The following ARSH variants were observed in gnomAD, a reference collection of about 807,000 sequenced individuals.
ARSH encodes arylsulfatase family member H.
Under a neutral mutation model 28.7 loss-of-function variants are expected in ARSH, and 32 were observed. That is an observed-to-expected ratio of 1.11 (90% CI 0.84 to 1.50). The LOEUF is 1.50. Ranked by LOEUF, ARSH falls within the 40% of genes most tolerant of loss-of-function variation. The pLI, the probability that ARSH is intolerant of heterozygous loss-of-function variation, is 0.00. For synonymous variants in ARSH, 176 were observed against 177.3 expected (o/e 0.99, Z 0.06); for missense variants, 440 against 452.4 (o/e 0.97, Z 0.25).
intron 8 of ARSH, among the ~76,000 whole-genome samples, chrX:3,030,669 G>A (rs1299592755): frequency 9.0e-6 from 1 of 111,680 alleles, no homozygotes; most frequent in African/African-American, 3.2e-5. Flanking sequence ...CTTACCATGG[G>A]AACAGTATGG....
intron 1 of ARSH, among the ~76,000 whole-genome samples, chrX:3,007,894 T>C (rs750637637): frequency 7.7e-4 from 86 of 111,583 alleles, no homozygotes; most frequent in Non-Finnish European, 9.4e-5. Context: ...TGTGTGTGTC[T>C]GTGTCCTCAT....
chrX:3,029,364 G>T lies in ARSH; in HGVS notation c.1317G>T (p.Lys439Asn). 1 of 1,209,066 alleles carries T rather than the reference G, an allele frequency of 8.3e-7. No individual in the cohort carries two copies. Among genetic ancestry groups the T allele is most frequent in the Non-Finnish European group, 1.1e-6 (1 of 894,160 alleles). ...VYLHTVRWHQ[K>N]DCATVWKAHY... The stretch of plus-strand genomic sequence containing the variant: ...TGCACACGGTCAGGTGGCATCAGAA[G>T]GACTGTAAGTATGAAGGCTGTGGAC... Residue 439 changes from lysine to asparagine, a missense_variant, in exon 8 of 9, where the codon AAG becomes AAT. Physicochemically the swap from Lys to Asn is moderately conservative, Grantham distance 94. Coordinates refer to ENST00000381130, the MANE Select transcript of ARSH (RefSeq NM_001011719.2).
rs988885434 is a variant in ARSH, at chrX:3,019,584, T to C, written c.901+914T>C. Among the ~76,000 whole-genome samples, 6 of 111,318 alleles carry C rather than the reference T, an allele frequency of 5.4e-5. No individual in the cohort carries two copies. In the Admixed American group the frequency reaches 5.8e-4, roughly 11 times the overall value. On this transcript the variant is annotated intron_variant, in intron 5 of 8. Coordinates refer to ENST00000381130, the MANE Select transcript of ARSH (RefSeq NM_001011719.2). ...TGTCCTTCCTCTCAGCGATGGTGTT[T>C]CATTTTGGAATACAGTACTTTTCTT... is the stretch of plus-strand genomic sequence containing the variant.
rs1286544084 is a variant in ARSH, at chrX:3,033,253, G to A, written c.1557G>A (p.Arg519=). ...KMEAAIREHR[R]TLTPVPQQFS... is the part of the protein sequence containing the mutation. ...AGGCAGCCATAAGAGAGCATCGTAG[G>A]ACACTAACACCTGTCCCACAGCAGT... is the stretch of plus-strand genomic sequence containing the variant. The change falls in exon 9 of 9, where the codon AGG becomes AGA. Residue 519 remains arginine (R), a synonymous_variant. Coordinates refer to ENST00000381130, the MANE Select transcript of ARSH (RefSeq NM_001011719.2). The A allele has an allele frequency of 8.3e-7, 1 of 1,211,626 alleles. No homozygotes were observed. Among genetic ancestry groups the A allele is most frequent in the Non-Finnish European group, 1.1e-6 (1 of 895,509 alleles).
intron 6 of ARSH, among the ~76,000 whole-genome samples, chrX:3,026,531 G>C (rs967091767): frequency 8.9e-6 from 1 of 111,772 alleles, no homozygotes; most frequent in African/African-American, 3.3e-5. Context: ...CCTCCAGAGA[G>C]GTTCCTATTT....
chrX:3,025,684 T>C (rs1420537076), intron 6 of ARSH, among the ~76,000 whole-genome samples: 1 of 110,042 alleles, frequency 9.1e-6, no homozygotes, highest in African/African-American at 3.3e-5. Context: ...TAGTCATAAC[T>C]GTTAATTAGC....
Position 3,015,331 on chromosome X carries a change from G to A in ARSH, c.702G>A (p.Gln234=), listed in dbSNP as rs748623323. 8.3e-7 allele frequency: 1 copy of A among 1,211,841 alleles called. No homozygotes were observed. Among genetic ancestry groups the A allele is most frequent in the Middle Eastern group, 2.3e-4 (1 of 4,355 alleles). ...ILMRNHEIIQ[Q]PMKEEKVASL... ...TGAGGAACCATGAAATTATCCAGCA[G>A]CCAATGAAAGAGGAGAAAGTAGCTT... The change falls in exon 4 of 9, where the codon CAG becomes CAA. Residue 234 remains glutamine (Q), a synonymous_variant. Coordinates refer to ENST00000381130, the MANE Select transcript of ARSH (RefSeq NM_001011719.2).
At chrX:3,025,456 A>C (rs910687151) in intron 6 of ARSH, among the ~76,000 whole-genome samples, 2 of 106,226 alleles carry the variant, frequency 1.9e-5, no homozygotes, top group African/African-American at 6.7e-5. Flanking sequence ...TAGTATATAG[A>C]ATTCTATATA....
intron 4 of ARSH, among the ~76,000 whole-genome samples, chrX:3,016,935 C>T (rs1334339118): frequency 1.8e-5 from 2 of 110,770 alleles, no homozygotes; most frequent in Non-Finnish European, 3.8e-5. Context: ...TTCTCATTGA[C>T]ACTGTTTGTC....
rs921211444 is a variant in ARSH at position 3,033,104 on chromosome X, T to C, written c.1408T>C (p.Cys470Arg). 24 of 1,209,419 alleles carry C rather than the reference T, an allele frequency of 2.0e-5. No individual in the cohort carries two copies. In the African/African-American group the frequency reaches 3.3e-4, roughly 17 times the overall value. Reference sequence around the variant, plus strand: ...CTGCTATGGGAGTGGAATATGTTCATGTTCGGGGGATGTAACCTACCACGA... The same window carrying C: ...CTGCTATGGGAGTGGAATATGTTCACGTTCGGGGGATGTAACCTACCACGA... Reference protein sequence around the residue: ...GACYGSGICSCSGDVTYHDPP... With the variant: ...GACYGSGICSRSGDVTYHDPP... The change falls in exon 9 of 9, where the codon TGT (cysteine) becomes CGT (arginine). Residue 470 changes from cysteine to arginine, a missense_variant. Transcript: ENST00000381130.
intron 1 of ARSH, 127 bp from the exon 2 acceptor site, chrX:3,009,903 A>T: frequency 1.2e-6 from 1 of 831,258 alleles, no homozygotes; most frequent in Non-Finnish European, 1.7e-6. Context: ...TTAAAGTTTT[A>T]AAAAGATGGA....
chrX:3,020,385 C>T (rs1261548311), intron 5 of ARSH, among the ~76,000 whole-genome samples: 2 of 103,605 alleles, frequency 1.9e-5, no homozygotes, highest in South Asian at 4.4e-4. Flanking sequence ...GTCAGGAGAT[C>T]GAGACCATCC....
intron 1 of ARSH, among the ~76,000 whole-genome samples, chrX:3,009,465 C>T (rs1028841786): frequency 1.0e-4 from 11 of 109,601 alleles, no homozygotes; most frequent in East Asian, 2.8e-4. Flanking sequence ...AGTGAGACCA[C>T]GTCTCAGAAA....
chrX:3,016,401 A>AT (rs1035305180), intron 4 of ARSH, among the ~76,000 whole-genome samples: 3 of 110,306 alleles, frequency 2.7e-5, no homozygotes, highest in Non-Finnish European at 3.8e-5. Flanking sequence ...GGGGGGTAAA[A>AT]TTTTTTTTCT....
chrX:3,024,049 G>A lies in ARSH; in HGVS notation c.930G>A (p.Glu310=), dbSNP rs755420193. Residue 310 remains glutamate, a synonymous_variant, in exon 6 of 9, where the codon GAG becomes GAA. Transcript: ENST00000381130. ...AAATCCTGGATGCCCTGGACCAGGA[G>A]CGCCTGGCCAACCACACCTTGGTGT... ...VGKILDALDQ[E]RLANHTLVYF... 6 of 1,207,042 alleles carry A rather than the reference G, an allele frequency of 5.0e-6. No homozygotes were observed. In the South Asian group the frequency reaches 1.1e-4, roughly 21 times the overall value.
intron 5 of ARSH, among the ~76,000 whole-genome samples, chrX:3,022,723 C>T (rs747152195): frequency 2.7e-5 from 3 of 111,779 alleles, no homozygotes; most frequent in African/African-American, 6.5e-5. Context: ...CTGAGTCTAG[C>T]GCAGCATTAA....
intron 3 of ARSH, among the ~76,000 whole-genome samples, chrX:3,013,737 G>T (rs1410503470): frequency 9.1e-6 from 1 of 110,227 alleles, no homozygotes; most frequent in Non-Finnish European, 1.9e-5. Context: ...AGCATTGTAC[G>T]GTCCACTATT....
rs926332971 is a variant in ARSH, at chrX:3,009,759, AT to A, written c.93-264del. ...TTGGCTAATTTTTCCATTGAAATAC[AT>A]TTTTTTCTCAGACTCATAAAACTGT... On this transcript the variant is annotated intron_variant, in intron 1 of 8. Transcript: ENST00000381130. 2.7e-5 allele frequency among the ~76,000 whole-genome samples: 3 copies of A among 111,372 alleles called. No individual in the cohort carries two copies. The South Asian group carries it at 1.1e-3, about 42-fold the overall frequency.
intron 6 of ARSH, among the ~76,000 whole-genome samples, chrX:3,025,066 AC>A (rs1162704178): frequency 9.1e-6 from 1 of 109,640 alleles, no homozygotes; most frequent in Non-Finnish European, 1.9e-5. Flanking sequence ...ATATAAATTC[AC>A]CGTATTAATT....
Sources: gnomAD v4.1 joint callset for allele counts (sites outside exome capture counted in the v4.1 genomes callset) on GRCh38, gnomAD v4.1.1 for gene constraint, MANE v1.5 for transcripts, NCBI Gene and HGNC (gene_info 2026-07-23, HGNC 2026-07-21) for gene names.